SGCZ: variants seen among roughly 807,000 people sequenced by gnomAD.
SGCZ encodes the protein sarcoglycan zeta.
SGCZ carries 40 observed loss-of-function variants against 41.3 expected under a neutral mutation model. The ratio of observed to expected loss-of-function variants is 0.97; its 90% confidence interval spans 0.75 to 1.26. The LOEUF (loss-of-function observed/expected upper bound fraction) is 1.26. Among genes scored for constraint, SGCZ ranks in the 50% most tolerant of loss-of-function variants. SGCZ has a pLI of 0.00. For missense variants in SGCZ, 552 were observed against 369.8 expected (o/e 1.49, Z -4.04); for synonymous variants, 206 against 137.5 (o/e 1.50, Z -3.49).
chr8:14,700,337 A>C (rs544245561), intron 1 of SGCZ, among the ~76,000 whole-genome samples: 1 of 151,986 alleles, frequency 6.6e-6, no homozygotes, highest in Non-Finnish European at 1.5e-5. Flanking sequence ...CCATTATCTT[A>C]ATCAAATTAA....
intron 1 of SGCZ, among the ~76,000 whole-genome samples, chr8:15,037,878 G>A (rs1056709234): frequency 1.3e-5 from 2 of 152,034 alleles, no homozygotes; most frequent in African/African-American, 4.8e-5. Flanking sequence ...CATTTATAAT[G>A]GCTCAAGAAA....
intron 1 of SGCZ, among the ~76,000 whole-genome samples, chr8:15,020,290 C>G (rs1803202685): frequency 6.6e-6 from 1 of 152,018 alleles, no homozygotes; most frequent in African/African-American, 2.4e-5. Context: ...TTAAAAATCC[C>G]ACACACTTTA....
intron 1 of SGCZ, among the ~76,000 whole-genome samples, chr8:14,978,011 T>C (rs995929428): frequency 6.6e-6 from 1 of 152,108 alleles, no homozygotes; most frequent in African/African-American, 2.4e-5. Flanking sequence ...CATGCTATCA[T>C]CTTTTGTCCT....
chr8:14,334,302 G>A (rs141049262), intron 2 of SGCZ, among the ~76,000 whole-genome samples: 38 of 151,938 alleles, frequency 2.5e-4, no homozygotes, highest in Admixed American at 4.6e-4. Flanking sequence ...AGTTCATACA[G>A]CACTTCAGCA....
At chr8:14,283,268 G>A (rs1046797314) in intron 3 of SGCZ, among the ~76,000 whole-genome samples, 1 of 152,010 alleles carries the variant, frequency 6.6e-6, no homozygotes, top group African/African-American at 2.4e-5. Flanking sequence ...AGAATTGCTG[G>A]AAACGATTCC....
intron 1 of SGCZ, among the ~76,000 whole-genome samples, chr8:15,137,841 T>G (rs1028757102): frequency 1.3e-5 from 2 of 152,192 alleles, no homozygotes; most frequent in African/African-American, 4.8e-5. Flanking sequence ...AATGTGGGGT[T>G]GGAGCCCCCA....
intron 1 of SGCZ, among the ~76,000 whole-genome samples, chr8:14,840,191 C>T (rs573133055): frequency 1.8e-4 from 27 of 152,022 alleles, no homozygotes; most frequent in Non-Finnish European, 3.4e-4. Context: ...ACAATTCCTG[C>T]TTAAGGGATT....
chr8:15,104,778 A>T (rs1235995806), intron 1 of SGCZ, among the ~76,000 whole-genome samples: 3 of 152,328 alleles, frequency 2.0e-5, no homozygotes, highest in Middle Eastern at 3.4e-3. Flanking sequence ...GGAACACTCC[A>T]TATTATGGAT....
At chr8:14,926,644 G>GGT (rs1554523024) in intron 1 of SGCZ, among the ~76,000 whole-genome samples, 34 of 150,570 alleles carry the variant, frequency 2.3e-4, no homozygotes, top group East Asian at 1.8e-3. Context: ...CGTGTGTGTG[G>GGT]TTTTTTTTTG....
chr8:14,108,663 A>G (rs1024007406), intron 5 of SGCZ, among the ~76,000 whole-genome samples: 1 of 152,192 alleles, frequency 6.6e-6, no homozygotes, highest in Non-Finnish European at 1.5e-5. Context: ...TTATAGGAGT[A>G]CAATTCTAGA....
At chr8:14,416,714 G>A (rs984816079) in intron 2 of SGCZ, among the ~76,000 whole-genome samples, 18 of 151,824 alleles carry the variant, frequency 1.2e-4, no homozygotes, top group African/African-American at 3.9e-4. Context: ...TGTAGGAAAC[G>A]TGTGGCAGCA....
At chr8:14,131,210 G>C (rs1271004654) in intron 5 of SGCZ, among the ~76,000 whole-genome samples, 6 of 152,144 alleles carry the variant, frequency 3.9e-5, no homozygotes, top group African/African-American at 1.4e-4. Flanking sequence ...CGCTTCAGAG[G>C]TATCTTGATG....
At chr8:15,141,448 A>T (rs1382545307) in intron 1 of SGCZ, among the ~76,000 whole-genome samples, 1 of 152,272 alleles carries the variant, frequency 6.6e-6, no homozygotes, top group Non-Finnish European at 1.5e-5. Flanking sequence ...TTTTAAAAAG[A>T]TGTCCACATC....
At chr8:14,906,340 G>C (rs561440877) in intron 1 of SGCZ, among the ~76,000 whole-genome samples, 6 of 152,154 alleles carry the variant, frequency 3.9e-5, no homozygotes, top group African/African-American at 1.4e-4. Context: ...CTCTTAAAAA[G>C]AGATTATGTT....
chr8:14,472,932 C>T (rs1801253970), intron 2 of SGCZ, among the ~76,000 whole-genome samples: 1 of 152,300 alleles, frequency 6.6e-6, no homozygotes, highest in Non-Finnish European at 1.5e-5. Context: ...TTACCCCCAT[C>T]TTCTTGTGCA....
intron 2 of SGCZ, among the ~76,000 whole-genome samples, chr8:14,398,688 C>G (rs1047995720): frequency 6.6e-6 from 1 of 152,062 alleles, no homozygotes; most frequent in Non-Finnish European, 1.5e-5. Flanking sequence ...GGGTGCTTGT[C>G]AGAAATTCTT....
chr8:14,546,636 T>A (rs1412982035), intron 2 of SGCZ, among the ~76,000 whole-genome samples: 2 of 152,128 alleles, frequency 1.3e-5, no homozygotes, highest in Non-Finnish European at 2.9e-5. Context: ...CATTCTTCCA[T>A]TTAATTAATA....
chr8:14,991,535 C>T (rs1240421605), intron 1 of SGCZ, among the ~76,000 whole-genome samples: 1 of 152,116 alleles, frequency 6.6e-6, no homozygotes, highest in Non-Finnish European at 1.5e-5. Flanking sequence ...CATCTGGCCA[C>T]GTGATGCTTT....
At chr8:14,683,909 A>G (rs142353335) in intron 1 of SGCZ, among the ~76,000 whole-genome samples, 2 of 152,144 alleles carry the variant, frequency 1.3e-5, no homozygotes, top group African/African-American at 2.4e-5. Context: ...AATTTCATCA[A>G]TCTTAAGATG....
Sources: gnomAD v4.1 joint callset for allele counts (sites outside exome capture counted in the v4.1 genomes callset) on GRCh38, gnomAD v4.1.1 for gene constraint, MANE v1.5 for transcripts, NCBI Gene and HGNC (gene_info 2026-07-23, HGNC 2026-07-21) for gene names.